The following CDC14B variants were observed in gnomAD, a reference collection of about 807,000 sequenced individuals.
CDC14B encodes dual specificity protein phosphatase CDC14B.
In CDC14B, 22 loss-of-function variants were observed where a neutral mutation model predicts 64.2. The ratio of observed to expected loss-of-function variants is 0.34; its 90% CI spans 0.24 to 0.49. The LOEUF (loss-of-function observed/expected upper bound fraction) is 0.49. Among genes scored for constraint, CDC14B ranks in the 20% least tolerant of loss-of-function variants. The pLI is 0.99. For missense variants in CDC14B, 498 were observed against 629.9 expected (o/e 0.79, Z 2.24); for synonymous variants, 191 against 215.8 (o/e 0.89, Z 1.01).
intron 13 of CDC14B, among the ~76,000 whole-genome samples, chr9:96,504,993 G>C (rs1201705101): frequency 6.6e-6 from 1 of 152,152 alleles, no homozygotes; most frequent in Non-Finnish European, 1.5e-5. Context: ...GGCCAACATG[G>C]TGAAACCTCA....
At chr9:96,525,951 A>G (rs921663440) in intron 9 of CDC14B, among the ~76,000 whole-genome samples, 1 of 152,178 alleles carries the variant, frequency 6.6e-6, no homozygotes, top group African/African-American at 2.4e-5. Flanking sequence ...TGTCCCCCCT[A>G]ACCCAAATCC....
At chr9:96,499,135 G>A (rs1833372612), downstream of CDC14B, among the ~76,000 whole-genome samples, 1 of 152,232 alleles carries the variant, frequency 6.6e-6, no homozygotes, top group South Asian at 2.1e-4. Flanking sequence ...GGAGGGGCAG[G>A]GAGAGGCCAC....
At chr9:96,567,647 G>A (rs1361514530) in intron 1 of CDC14B, among the ~76,000 whole-genome samples, 1 of 152,224 alleles carries the variant, frequency 6.6e-6, no homozygotes, top group Non-Finnish European at 1.5e-5. Context: ...TTATTGTAGA[G>A]ATAGAGAGTA....
rs565900978 is a variant in CDC14B, at chr9:96,515,757, C to G, written c.1344-5968G>C. The G allele has an allele frequency of 6.2e-7, 1 of 1,605,908 alleles. No homozygotes were observed. Among genetic ancestry groups the G allele is most frequent in the South Asian group, 1.1e-5 (1 of 89,386 alleles). On this transcript the variant is annotated intron_variant, in intron 12 of 13. Transcript: ENST00000375241. The surrounding 1 kb of genome is among the most constrained non-coding windows in gnomAD (Gnocchi z 4.3). ...ACAAACAATCCACCAGATGACAACA[C>G]TACACAGTGCAGAGGTCAGCACAGC... is the stretch of plus-strand genomic sequence containing the variant.
chr9:96,526,229 G>T (rs1036053065), intron 9 of CDC14B, among the ~76,000 whole-genome samples: 1 of 152,112 alleles, frequency 6.6e-6, no homozygotes, highest in African/African-American at 2.4e-5. Context: ...TTAGCCGGGC[G>T]TGGTGGCAGG....
intron 11 of CDC14B, among the ~76,000 whole-genome samples, 182 bp from the exon 12 acceptor site, chr9:96,522,785 A>G (rs565347467): frequency 6.6e-6 from 1 of 152,336 alleles, no homozygotes; most frequent in Admixed American, 6.5e-5. Context: ...TTTCAGAGAC[A>G]ACACAGCAGC....
chr9:96,551,251 G>A (rs1395309952), intron 5 of CDC14B, among the ~76,000 whole-genome samples: 1 of 151,442 alleles, frequency 6.6e-6, no homozygotes, highest in East Asian at 1.9e-4. Flanking sequence ...CAAGTAGCTG[G>A]GACTACAGGC....
intron 9 of CDC14B, among the ~76,000 whole-genome samples, chr9:96,525,350 C>A (rs1458942944): frequency 2.0e-5 from 3 of 152,094 alleles, no homozygotes; most frequent in Non-Finnish European, 4.4e-5. Context: ...GCAGAGCTAC[C>A]TGGATGCAAA....
chr9:96,566,960 G>T, intron 1 of CDC14B: 2 of 1,475,060 alleles, frequency 1.4e-6, no homozygotes, highest in Non-Finnish European at 1.8e-6. Context: ...CCCCTCGGCG[G>T]CCCAACGGCC....
chr9:96,509,732 G>A lies in CDC14B; in HGVS notation c.1401C>T (p.Gly467=), dbSNP rs376115038. The change falls in exon 13 of 14, where the codon GGC becomes GGT. Residue 467 remains glycine (G), a synonymous_variant. Coordinates refer to ENST00000375241, the MANE Select transcript of CDC14B (RefSeq NM_033331.4). ...SCKTSEPNIS[G]SAGITKRTTR... ...TGGTTCTTTTAGTAATGCCTGCACT[G>A]CCAGAAATGTTAGGTTCAGATGTTT... 10 of 1,613,018 alleles carry A rather than the reference G, an allele frequency of 6.2e-6. No homozygotes were observed. Among genetic ancestry groups the A allele is most frequent in the Non-Finnish European group, 8.5e-6 (10 of 1,179,216 alleles).
At position 96,619,304 on chromosome 9, in the gene CDC14B, C is replaced by T; in HGVS notation, c.75G>A (p.Ser25=). ...PPCSRRCSST[S]PGVKKIRSST... ...AGCTGCGGATCTTCTTCACACCCGG[C>T]GAGGTCGACGAGCAGCGCCGCGAGC... The change falls in exon 1 of 14, where the codon TCG becomes TCA. Residue 25 remains serine, a synonymous_variant. Transcript: ENST00000375241. 7.6e-7 allele frequency: 1 copy of T among 1,315,060 alleles called. No homozygotes were observed. The highest frequency in any genetic ancestry group is 2.9e-5 in the East Asian group (1 of 34,546). The allele number at this position is 1,315,060 out of a possible 1,614,324, so 81.5% of individuals were successfully genotyped here.
At chr9:96,552,772 G>A (rs1430091331) in intron 4 of CDC14B, among the ~76,000 whole-genome samples, 1 of 152,062 alleles carries the variant, frequency 6.6e-6, no homozygotes, top group Non-Finnish European at 1.5e-5. Flanking sequence ...CTTCCTGCAG[G>A]GCCCTTTCAA....
chr9:96,546,991 G>A (rs1841007634), intron 5 of CDC14B, among the ~76,000 whole-genome samples: 1 of 152,052 alleles, frequency 6.6e-6, no homozygotes, highest in Non-Finnish European at 1.5e-5. Flanking sequence ...GAACCCAGGA[G>A]GCGGAGCTTG....
chr9:96,602,304 A>G (rs1423719611), intron 1 of CDC14B, among the ~76,000 whole-genome samples: 2 of 152,182 alleles, frequency 1.3e-5, no homozygotes, highest in African/African-American at 4.8e-5. Flanking sequence ...AGCAGTCACA[A>G]CAAGCACAGT....
chr9:96,548,137 T>G (rs569191032), intron 5 of CDC14B, among the ~76,000 whole-genome samples: 1 of 152,132 alleles, frequency 6.6e-6, no homozygotes, highest in African/African-American at 2.4e-5. Context: ...TTGTTTCTGT[T>G]TAAAGACTAG....
At chr9:96,614,796 G>A (rs1847523085) in intron 1 of CDC14B, among the ~76,000 whole-genome samples, 1 of 152,072 alleles carries the variant, frequency 6.6e-6, no homozygotes. Flanking sequence ...ATTCTGATCT[G>A]TACCCAGCAT....
chr9:96,564,406 C>T (rs1843633831), intron 3 of CDC14B, among the ~76,000 whole-genome samples: 1 of 152,072 alleles, frequency 6.6e-6, no homozygotes, highest in Non-Finnish European at 1.5e-5. Context: ...CTATCACTCC[C>T]CATCAAAATG....
intron 5 of CDC14B, among the ~76,000 whole-genome samples, chr9:96,544,631 A>T (rs76649271): frequency 0.052 from 7,912 of 151,984 alleles, 695 homozygotes; most frequent in African/African-American, 0.18. Context: ...AGTAGCTGGG[A>T]CCAAAGGTGC....
Position 96,515,969 on chromosome 9 carries a change from A to G in CDC14B, c.1344-6180T>C, listed in dbSNP as rs16911035. Among the ~76,000 whole-genome samples the G allele has an allele frequency of 0.028, 4,223 of 152,298 alleles. 178 individuals are homozygous for G. The highest frequency in any genetic ancestry group is 0.096 in the African/African-American group (4,005 of 41,540). ...ATGGAGTTTTGCCATTTTATGTTGA[A>G]TAAAAAAATGCTGTGTTTAAACAGG... On this transcript the variant is annotated intron_variant, in intron 12 of 13. Transcript: ENST00000375241. This position sits in a 1 kb window ranked among gnomAD's most constrained non-coding sequence, Gnocchi z 4.3.
Sources: gnomAD v4.1 joint callset for allele counts (sites outside exome capture counted in the v4.1 genomes callset) on GRCh38, gnomAD v4.1.1 for gene constraint, Gnocchi (gnomAD v3.1) non-coding constraint, MANE v1.5 for transcripts, NCBI Gene and HGNC (gene_info 2026-07-23, HGNC 2026-07-21) for gene names.